Variants in TTLL6 observed in about 807,000 individuals in gnomAD.
The protein encoded by TTLL6 is tubulin polyglutamylase TTLL6.
Under a neutral mutation model 96.4 loss-of-function variants are expected in TTLL6, and 75 were observed. The ratio of observed to expected loss-of-function variants is 0.78; its 90% CI spans 0.65 to 0.94. The LOEUF is 0.94. TTLL6 is among the 40% of genes least tolerant of loss of function. The pLI is 0.00. For missense variants in TTLL6, 1,030 were observed against 1,093.0 expected (o/e 0.94, Z 0.81); for synonymous variants, 411 against 419.4 (o/e 0.98, Z 0.24).
intron 13 of TTLL6, among the ~76,000 whole-genome samples, chr17:48,782,371 T>A (rs985100218): frequency 3.9e-5 from 6 of 152,196 alleles, no homozygotes; most frequent in Admixed American, 2.6e-4. Context: ...GCCAGGCTGG[T>A]CTTGAACTCC....
chr17:48,797,669 C>A (rs2039341611), intron 6 of TTLL6, among the ~76,000 whole-genome samples: 1 of 151,324 alleles, frequency 6.6e-6, no homozygotes, highest in Non-Finnish European at 1.5e-5. Context: ...CCCCTGTAAT[C>A]CCAGCTACTC....
intron 15 of TTLL6, among the ~76,000 whole-genome samples, chr17:48,766,236 A>G (rs145523132): frequency 2.6e-5 from 4 of 152,308 alleles, no homozygotes; most frequent in African/African-American, 9.6e-5. Context: ...AACCAGTCCC[A>G]ATCTTTGAGG....
chr17:48,769,685 C>T (rs758721143), intron 14 of TTLL6, 43 bp downstream of exon 14: 11 of 1,589,182 alleles, frequency 6.9e-6, no homozygotes, highest in Non-Finnish European at 9.4e-6. Flanking sequence ...GGTCCCTCTC[C>T]CCTTTAAGCT....
intron 1 of TTLL6, among the ~76,000 whole-genome samples, chr17:48,810,793 AG>A (rs1219734162): frequency 0.019 from 1,415 of 75,172 alleles, 67 homozygotes; most frequent in Middle Eastern, 0.025. Context: ...ATATATATAT[AG>A]TACATATATA....
Position 48,791,382 on chromosome 17 carries a change from A to G in TTLL6, c.1220T>C (p.Leu407Pro). The change falls in exon 9 of 16, where the codon CTG becomes CCG. Residue 407 changes from leucine to proline, a missense_variant. Leu to Pro is a moderately conservative substitution (Grantham distance 98, BLOSUM62 -3). Coordinates refer to ENST00000393382, the MANE Select transcript of TTLL6 (RefSeq NM_001130918.3). ...CCCTCGCCCAAACTTCCCTACCTCC[A>G]GCAGCCAGGGTTTGAGTTTGTGGTC... ...LLDHKLKPWL[L>P]EVNHSPSFST... The G allele has an allele frequency of 6.2e-7, 1 of 1,613,924 alleles. No individual in the cohort carries two copies. Among genetic ancestry groups the G allele is most frequent in the Non-Finnish European group, 8.5e-7 (1 of 1,179,854 alleles).
intron 1 of TTLL6, among the ~76,000 whole-genome samples, chr17:48,816,526 G>A (rs79235862): frequency 0.017 from 2,657 of 152,278 alleles, 27 homozygotes; most frequent in South Asian, 0.025. Flanking sequence ...CACCAGGCTG[G>A]AAGGCGGTAG....
At chr17:48,773,329 CTTAT>C (rs2038789276) in intron 13 of TTLL6, among the ~76,000 whole-genome samples, 1 of 152,164 alleles carries the variant, frequency 6.6e-6, no homozygotes, top group Non-Finnish European at 1.5e-5. Flanking sequence ...AAGCCATCAA[CTTAT>C]AAAAACAAGA....
rs1325247422 is a variant in TTLL6 at position 48,774,082 on chromosome 17, CAAAAAAAACAAAACAAAAAAA to C, written c.2041-4006_2041-3986del. On this transcript the variant is annotated intron_variant, in intron 13 of 15. Coordinates refer to ENST00000393382, the MANE Select transcript of TTLL6 (RefSeq NM_001130918.3). Reference sequence around the variant, plus strand: ...GGACAACAAGAGCAAAACTCCATCTCAAAAAAAACAAAACAAAAAAAAAAAAAAAACAAGAAAAGTAAAATA... The same window carrying C: ...GGACAACAAGAGCAAAACTCCATCTCAAAAAAAAACAAGAAAAGTAAAATA... Among the ~76,000 whole-genome samples the C allele has an allele frequency of 8.7e-5, 4 of 46,164 alleles. No homozygotes were observed. In the East Asian group the frequency reaches 5.8e-3, roughly 67 times the overall value. 30.3% of individuals were successfully genotyped at this position (46,164 alleles called of 152,430 possible).
chr17:48,797,346 A>G, intron 6 of TTLL6, 142 bp from the exon 7 acceptor site: 2 of 862,840 alleles, frequency 2.3e-6, no homozygotes, highest in Non-Finnish European at 3.5e-6. Flanking sequence ...GGTCAGAGAG[A>G]GGAACAAGGA....
intron 3 of TTLL6, among the ~76,000 whole-genome samples, chr17:48,802,830 C>T (rs776272834): frequency 2.6e-5 from 4 of 152,050 alleles, no homozygotes; most frequent in Non-Finnish European, 4.4e-5. Context: ...AAGATCATGC[C>T]ATTACACTCC....
At chr17:48,770,507 G>GTTATTATTA (rs1211404974) in intron 13 of TTLL6, among the ~76,000 whole-genome samples, 3 of 109,896 alleles carry the variant, frequency 2.7e-5, no homozygotes, top group African/African-American at 6.6e-5. Context: ...TATTATTGTT[G>GTTATTATTA]TTGTTATTAT....
intron 1 of TTLL6, among the ~76,000 whole-genome samples, chr17:48,810,833 A>G (rs1170667723): frequency 3.7e-4 from 51 of 136,576 alleles, no homozygotes; most frequent in African/African-American, 1.4e-3. Flanking sequence ...GTGTATATAT[A>G]TATATATATA....
intron 3 of TTLL6, among the ~76,000 whole-genome samples, chr17:48,803,220 C>T (rs761735088): frequency 2.0e-5 from 3 of 152,058 alleles, no homozygotes; most frequent in African/African-American, 4.8e-5. Context: ...AAGAGCCGGG[C>T]ACAGTGGCTC....
rs114353344 is a variant in TTLL6, at chr17:48,784,971, G to T, written c.1992C>A (p.Ile664=). 3,305 of 1,614,204 alleles carry T rather than the reference G, an allele frequency of 2.0e-3. 52 individuals carry two copies. In the African/African-American group the frequency reaches 0.038, roughly 19 times the overall value. The change falls in exon 13 of 16, where the codon ATC becomes ATA. Residue 664 remains isoleucine (I), a synonymous_variant. Coordinates refer to ENST00000393382, the MANE Select transcript of TTLL6 (RefSeq NM_001130918.3). The part of the protein sequence containing the change: ...KLEPSKPNFS[I]KEAKSASAVN... ...CTGCAGAGGCAGACTTGGCCTCCTT[G>T]ATGCTGAAGTTGGGTTTACTGGGCT...
At chr17:48,788,049 G>T in intron 10 of TTLL6, 50 bp from the exon 11 acceptor site, 1 of 1,574,090 alleles carries the variant, frequency 6.4e-7, no homozygotes, top group East Asian at 2.2e-5. Context: ...TTGGGACAAA[G>T]CCTGGAAGGG....
rs1438817141 is a variant in TTLL6, at chr17:48,784,918, C to T, written c.2040+5G>A. On this transcript the variant is annotated splice_donor_5th_base_variant and intron_variant, in intron 13 of 15. Transcript: ENST00000393382. Reference sequence around the variant, plus strand: ...CTCCCTCCCAGAGCTCGGCTCACTACTTACCACAGTGCCAGTGAATACGTT... The same window carrying T: ...CTCCCTCCCAGAGCTCGGCTCACTATTTACCACAGTGCCAGTGAATACGTT... 7 of 1,612,834 alleles carry T rather than the reference C, an allele frequency of 4.3e-6. No individual in the cohort carries two copies. Among genetic ancestry groups the T allele is most frequent in the Non-Finnish European group, 5.9e-6 (7 of 1,179,430 alleles).
In TTLL6 at chr17:48,796,918, G is replaced by A. The variant is rs2039325717; in HGVS notation, c.912+143C>T. On this transcript the variant is annotated intron_variant, in intron 7 of 15. Transcript: ENST00000393382. ...TAATCCCTCTCTCTGAGGGATCCTG[G>A]CAGCGCTAAATGAAACCCGGCACAT... The A allele has an allele frequency of 9.8e-6, 9 of 922,142 alleles. No homozygotes were observed. In the East Asian group the frequency reaches 2.4e-4, roughly 25 times the overall value. 57.1% of individuals were successfully genotyped at this position (922,142 alleles called of 1,614,324 possible). A position where few individuals can be genotyped will look rare whatever the true frequency, so the allele number is the denominator to read the frequency against.
In TTLL6 at chr17:48,796,121, T is replaced by G. The variant is rs960435125; in HGVS notation, c.938A>C (p.Asn313Thr). The change falls in exon 8 of 16, where the codon AAT becomes ACT. Residue 313 changes from asparagine (N) to threonine (T), a missense_variant. Coordinates refer to ENST00000393382, the MANE Select transcript of TTLL6 (RefSeq NM_001130918.3). ...NLDDICMHLT[N>T]YSINKHSSNF... is the part of the protein sequence containing the mutation. ...TGAACTGTGCTTATTAATGGAATAA[T>G]TAGTCAGGTGCATGCAGATATCATC... The G allele has an allele frequency of 3.2e-6, 5 of 1,551,440 alleles. No individual in the cohort carries two copies. In the African/African-American group the frequency reaches 4.1e-5, roughly 13 times the overall value.
chr17:48,799,264 G>A (rs1296722648), intron 6 of TTLL6, among the ~76,000 whole-genome samples: 1 of 152,234 alleles, frequency 6.6e-6, no homozygotes, highest in Non-Finnish European at 1.5e-5. Flanking sequence ...ATGACCTCAA[G>A]TCAAAGAGAA....
Sources: allele counts gnomAD v4.1 joint callset (sites outside exome capture counted in the v4.1 genomes callset), GRCh38; gene constraint gnomAD v4.1.1; transcripts MANE v1.5; gene names NCBI Gene and HGNC (gene_info 2026-07-23, HGNC 2026-07-21).